The following SGCD variants were observed in gnomAD, a reference collection of about 807,000 sequenced individuals.
The protein encoded by SGCD is sarcoglycan delta.
A neutral mutation model predicts 36.6 loss-of-function variants in SGCD; 18 were observed. That is an observed-to-expected ratio of 0.49 (90% confidence interval 0.34 to 0.73). The LOEUF (loss-of-function observed/expected upper bound fraction) is 0.73. Ranked by LOEUF, SGCD falls within the 30% of genes least tolerant of loss-of-function variation. The pLI is 0.01. For missense variants in SGCD, 387 were observed against 346.7 expected (o/e 1.12, Z -0.92); for synonymous variants, 133 against 130.6 (o/e 1.02, Z -0.12).
intron 1 of SGCD, among the ~76,000 whole-genome samples, chr5:156,061,919 C>CTTTTTT (rs757769130): frequency 7.8e-3 from 561 of 71,650 alleles, no homozygotes; most frequent in Non-Finnish European, 0.01. Context: ...GGAGTTTTCA[C>CTTTTTT]TTTTTTTTTT....
At chr5:156,003,074 C>T (rs964637774) in intron 1 of SGCD, among the ~76,000 whole-genome samples, 2 of 152,170 alleles carry the variant, frequency 1.3e-5, no homozygotes, top group African/African-American at 4.8e-5. Flanking sequence ...TGAAGCCATC[C>T]CAAATCCCAC....
intron 3 of SGCD, among the ~76,000 whole-genome samples, chr5:156,354,199 A>G (rs116824684): frequency 0.018 from 2,688 of 152,266 alleles, 34 homozygotes; most frequent in African/African-American, 0.03. Flanking sequence ...AGCTAAAGTT[A>G]GAGGGCACTG....
upstream of SGCD, among the ~76,000 whole-genome samples, chr5:155,870,122 G>A (rs1045141494): frequency 1.3e-5 from 2 of 152,236 alleles, no homozygotes; most frequent in African/African-American, 4.8e-5. Flanking sequence ...ATGAACTCAG[G>A]CAGTGTGATA....
upstream of SGCD, among the ~76,000 whole-genome samples, chr5:155,867,084 A>G (rs564822231): frequency 1.3e-5 from 2 of 152,296 alleles, no homozygotes; most frequent in African/African-American, 4.8e-5. Flanking sequence ...GGGTGAGTTG[A>G]TGTCAAAGTG....
intron 3 of SGCD, among the ~76,000 whole-genome samples, chr5:156,406,424 C>T (rs1257882278): frequency 1.3e-5 from 2 of 151,762 alleles, no homozygotes; most frequent in African/African-American, 2.4e-5. Context: ...CTCCTGTGCC[C>T]CTCTCCTCTC....
At chr5:155,972,803 A>G (rs1370715707) in intron 1 of SGCD, among the ~76,000 whole-genome samples, 1 of 152,122 alleles carries the variant, frequency 6.6e-6, no homozygotes, top group East Asian at 1.9e-4. Context: ...TTTAATTTGC[A>G]TTTCTTGGAT....
intron 7 of SGCD, among the ~76,000 whole-genome samples, chr5:156,730,877 T>A (rs1756026384): frequency 6.6e-6 from 1 of 152,202 alleles, no homozygotes; most frequent in Non-Finnish European, 1.5e-5. Flanking sequence ...GTATAAGCAT[T>A]CCTTTTTCTC....
chr5:155,803,271 G>A, the SGCD span, among the ~76,000 whole-genome samples: 3 of 152,192 alleles, frequency 2.0e-5, no homozygotes, highest in Admixed American at 6.5e-5. Flanking sequence ...AGCCAGCAGC[G>A]TGAGGCTACT....
intron 4 of SGCD, among the ~76,000 whole-genome samples, chr5:156,570,016 A>T (rs759466243): frequency 6.6e-6 from 1 of 152,196 alleles, no homozygotes; most frequent in African/African-American, 2.4e-5. Flanking sequence ...TGAGAGTGAC[A>T]TAATCTGTGT....
chr5:156,023,446 A>T (rs1759154068), intron 1 of SGCD, among the ~76,000 whole-genome samples: 1 of 152,250 alleles, frequency 6.6e-6, no homozygotes, highest in African/African-American at 2.4e-5. Context: ...TGTCTCATTA[A>T]ATGCTGCCTG....
intron 7 of SGCD, among the ~76,000 whole-genome samples, chr5:156,684,373 G>C (rs190774181): frequency 5.3e-5 from 8 of 152,272 alleles, no homozygotes; most frequent in Admixed American, 4.6e-4. Context: ...CTTTTGATGA[G>C]GGTTGAATAG....
intron 6 of SGCD, among the ~76,000 whole-genome samples, chr5:156,645,660 C>T (rs963601987): frequency 2.0e-4 from 31 of 152,020 alleles, no homozygotes; most frequent in Admixed American, 3.9e-4. Context: ...CCCACCCCTC[C>T]GACCCCTTAC....
chr5:156,555,656 G>A (rs917481917), intron 4 of SGCD, among the ~76,000 whole-genome samples: 1 of 149,998 alleles, frequency 6.7e-6, no homozygotes, highest in African/African-American at 2.5e-5. Flanking sequence ...GAAGTGTAAG[G>A]CCTACAAATT....
chr5:156,694,787 A>T lies in SGCD; in HGVS notation c.575+47251A>T, dbSNP rs1219873045. On this transcript the variant is annotated intron_variant, in intron 7 of 8. Coordinates refer to ENST00000337851, the MANE Select transcript of SGCD (RefSeq NM_000337.6). Reference sequence around the variant, plus strand: ...TTAATTAGGCCCGTCTGGTTTTCCCACTGAGAAAAAAGGAATGTGTCATCT... The same window carrying T: ...TTAATTAGGCCCGTCTGGTTTTCCCTCTGAGAAAAAAGGAATGTGTCATCT... Among the ~76,000 whole-genome samples the T allele has an allele frequency of 1.3e-5, 2 of 152,142 alleles. 1 individual carries two copies. Among genetic ancestry groups the T allele is most frequent in the Admixed American group, 1.3e-4 (2 of 15,256 alleles).
intron 3 of SGCD, among the ~76,000 whole-genome samples, chr5:156,347,616 C>G (rs942340790): frequency 6.6e-6 from 1 of 152,108 alleles, no homozygotes; most frequent in Non-Finnish European, 1.5e-5. Flanking sequence ...CTTTAGTCCC[C>G]TATTTGAAGC....
intron 7 of SGCD, among the ~76,000 whole-genome samples, chr5:156,752,048 A>T (rs534649954): frequency 6.6e-6 from 1 of 152,364 alleles, no homozygotes; most frequent in East Asian, 1.9e-4. Context: ...TAGAATGGAC[A>T]AATAAATCAT....
At chr5:156,434,616 G>A (rs10056066) in intron 3 of SGCD, among the ~76,000 whole-genome samples, 3,452 of 152,298 alleles carry the variant, frequency 0.023, 146 homozygotes, top group African/African-American at 0.078. Context: ...CTGTCAGGCA[G>A]GGTAGATTCA....
In SGCD at chr5:156,764,128, A is replaced by AG. The variant is rs1377067017; in HGVS notation, c.*4739dup. On this transcript the variant is annotated 3_prime_UTR_variant, in exon 9 of 9. Coordinates refer to ENST00000337851, the MANE Select transcript of SGCD (RefSeq NM_000337.6). ...TGATACATTTGCATAGTGCCCTAGT[A>AG]GCAGGTTGGGAAAAAGTTATAATAT... The AG allele has an allele frequency of 1.3e-5, 2 of 152,372 alleles. No individual in the cohort carries two copies. Among genetic ancestry groups the AG allele is most frequent in the Non-Finnish European group, 2.9e-5 (2 of 68,028 alleles). 9.4% of individuals were successfully genotyped at this position (152,372 alleles called of 1,614,324 possible).
At chr5:156,166,563 G>A (rs1223348791) in intron 3 of SGCD, among the ~76,000 whole-genome samples, 1 of 152,074 alleles carries the variant, frequency 6.6e-6, no homozygotes, top group African/African-American at 2.4e-5. Context: ...CTCGTGATCC[G>A]CCCGCCTCGG....
Sources: gnomAD v4.1 joint callset for allele counts (sites outside exome capture counted in the v4.1 genomes callset) on GRCh38, gnomAD v4.1.1 for gene constraint, MANE v1.5 for transcripts, NCBI Gene and HGNC (gene_info 2026-07-23, HGNC 2026-07-21) for gene names.